Variants in CHD9 observed in about 807,000 individuals in gnomAD.
CHD9 encodes chromodomain helicase DNA binding protein 9, also known as ATP-dependent chromatin remodeler CHD9.
In CHD9, 77 loss-of-function variants were observed where a neutral mutation model predicts 316.1. The observed-to-expected ratio is 0.24, with a 90% CI of 0.20 to 0.29. The LOEUF is 0.29. Ranked by LOEUF, CHD9 falls within the 10% of genes least tolerant of loss-of-function variation. CHD9 has a pLI of 1.00. For synonymous variants in CHD9, 1,129 were observed against 1,158.3 expected (o/e 0.97, Z 0.51); for missense variants, 2,763 against 3,438.1 (o/e 0.80, Z 4.91).
intron 1 of CHD9, chr16:53,121,346 G>A (rs1435404129): frequency 2.2e-6 from 1 of 455,922 alleles, no homozygotes; most frequent in African/African-American, 2.0e-5. Context: ...AGAAACAGAT[G>A]CACAAAGAGA....
intron 29 of CHD9, among the ~76,000 whole-genome samples, chr16:53,296,013 C>T (rs2054750354): frequency 6.6e-6 from 1 of 152,170 alleles, no homozygotes; most frequent in South Asian, 2.1e-4. Flanking sequence ...CCTTGTCAAT[C>T]TGGAATACTC....
Position 53,130,631 on chromosome 16 carries a change from G to T in CHD9, c.-164-25295G>T, listed in dbSNP as rs551552204. On this transcript the variant is annotated intron_variant, in intron 1 of 38. Coordinates refer to ENST00000447540, the MANE Select transcript of CHD9 (RefSeq NM_001308319.2). Reference sequence around the variant, plus strand: ...CCCAAGCCTTCCCCGCCCCGAGGCCGCCCAGGGCTCCGGGAGTAACCGCGC... The same window carrying T: ...CCCAAGCCTTCCCCGCCCCGAGGCCTCCCAGGGCTCCGGGAGTAACCGCGC... Among the ~76,000 whole-genome samples the T allele has an allele frequency of 4.0e-5, 6 of 151,566 alleles. No individual in the cohort carries two copies. In the South Asian group the frequency reaches 1.0e-3, roughly 26 times the overall value.
At chr16:53,214,025 A>T (rs1202551558) in intron 3 of CHD9, among the ~76,000 whole-genome samples, 1 of 152,188 alleles carries the variant, frequency 6.6e-6, no homozygotes, top group East Asian at 1.9e-4. Context: ...CTCTAGTAGG[A>T]ATTAAGTATA....
intron 19 of CHD9, among the ~76,000 whole-genome samples, chr16:53,261,262 A>G (rs1364494859): frequency 6.6e-6 from 1 of 151,920 alleles, no homozygotes; most frequent in African/African-American, 2.4e-5. Flanking sequence ...TACTAGATTG[A>G]ATGAATGAGT....
At position 53,227,306 on chromosome 16, in the gene CHD9, G is replaced by T. The variant is rs1597518616; in HGVS notation, c.2044-90G>T. 5 of 761,962 alleles carry T rather than the reference G, an allele frequency of 6.6e-6. No individual in the cohort carries two copies. The South Asian group carries it at 7.1e-5, about 11-fold the overall frequency. The allele number at this position is 761,962 out of a possible 1,614,324, so 47.2% of individuals were successfully genotyped here. On this transcript the variant is annotated intron_variant, in intron 5 of 38. Transcript: ENST00000447540. ...CATATATGCTGTATAAATATTTGTT[G>T]AATTGTAGTATGTTCATCAACATAC...
intron 2 of CHD9, among the ~76,000 whole-genome samples, chr16:53,173,485 G>T (rs114205107): frequency 6.6e-6 from 1 of 151,858 alleles, no homozygotes; most frequent in Non-Finnish European, 1.5e-5. Flanking sequence ...CTGCTTTATA[G>T]TTAACGGATT....
At chr16:53,060,629 A>C (rs1348095035) in intron 1 of CHD9, among the ~76,000 whole-genome samples, 2 of 151,948 alleles carry the variant, frequency 1.3e-5, no homozygotes, top group Non-Finnish European at 2.9e-5. Context: ...GTGGTGGTGC[A>C]CCTGTAGTCC....
At chr16:53,207,333 C>G (rs1433064869) in intron 2 of CHD9, among the ~76,000 whole-genome samples, 1 of 152,154 alleles carries the variant, frequency 6.6e-6, no homozygotes, top group Non-Finnish European at 1.5e-5. Flanking sequence ...ACCTGAAAAA[C>G]TCATCAGTGC....
intron 1 of CHD9, among the ~76,000 whole-genome samples, chr16:53,092,309 C>T (rs2152556717): frequency 6.6e-6 from 1 of 152,238 alleles, no homozygotes; most frequent in East Asian, 1.9e-4. Context: ...TCTAGTTTTT[C>T]ATTTATTTAA....
chr16:53,217,957 T>C (rs2046916286), intron 3 of CHD9, among the ~76,000 whole-genome samples: 1 of 136,730 alleles, frequency 7.3e-6, no homozygotes, highest in Non-Finnish European at 1.6e-5. Flanking sequence ...TCTTTCTTTC[T>C]TTTTTTTTTT....
At chr16:53,206,039 G>A (rs112497910) in intron 2 of CHD9, among the ~76,000 whole-genome samples, 11 of 151,748 alleles carry the variant, frequency 7.2e-5, no homozygotes, top group African/African-American at 2.2e-4. Context: ...CACAACCTCC[G>A]CCTCCCAGGT....
At chr16:53,276,747 A>C (rs2052872716) in intron 24 of CHD9, among the ~76,000 whole-genome samples, 1 of 151,968 alleles carries the variant, frequency 6.6e-6, no homozygotes, top group African/African-American at 2.4e-5. Context: ...TGTATGCCTT[A>C]ATATCAGTCA....
At chr16:53,286,626 A>G (rs2053897452) in intron 26 of CHD9, among the ~76,000 whole-genome samples, 1 of 152,176 alleles carries the variant, frequency 6.6e-6, no homozygotes. Flanking sequence ...TTCTAGGGGC[A>G]TAGGGGGAGA....
At chr16:53,206,921 G>A (rs2045939565) in intron 2 of CHD9, among the ~76,000 whole-genome samples, 1 of 152,148 alleles carries the variant, frequency 6.6e-6, no homozygotes, top group Non-Finnish European at 1.5e-5. Flanking sequence ...TAGTCTGTAA[G>A]TGTTATCTCA....
Position 53,268,140 on chromosome 16 carries a change from T to C in CHD9, c.4717+14T>C. On this transcript the variant is annotated intron_variant, in intron 22 of 38. Transcript: ENST00000447540. ...AGAATCATCTAGGTAAGAACATTGT[T>C]TCATTTGCTTTTAAAATTTATTTTT... The C allele has an allele frequency of 1.3e-6, 2 of 1,546,156 alleles. No homozygotes were observed. The highest frequency in any genetic ancestry group is 1.8e-6 in the Non-Finnish European group (2 of 1,140,380).
intron 1 of CHD9, among the ~76,000 whole-genome samples, chr16:53,101,276 T>TG (rs1178702421): frequency 5.4e-5 from 8 of 148,254 alleles, no homozygotes; most frequent in Non-Finnish European, 1.2e-4. Context: ...TCCTTTTCTT[T>TG]TTTTTTTTTT....
chr16:53,070,461 G>A (rs1419543682), intron 1 of CHD9, among the ~76,000 whole-genome samples: 2 of 151,472 alleles, frequency 1.3e-5, no homozygotes, highest in Non-Finnish European at 2.9e-5. Context: ...TTTTTTGCAC[G>A]AGTAGCATGT....
intron 1 of CHD9, among the ~76,000 whole-genome samples, chr16:53,083,791 C>G (rs1442085949): frequency 6.6e-6 from 1 of 151,980 alleles, no homozygotes; most frequent in East Asian, 1.9e-4. Context: ...CACTCTGTCA[C>G]CCAGGCTGGA....
chr16:53,232,116 T>C (rs2048226817), intron 10 of CHD9, among the ~76,000 whole-genome samples: 1 of 152,182 alleles, frequency 6.6e-6, no homozygotes, highest in Admixed American at 6.5e-5. Flanking sequence ...TATTTTCTGG[T>C]CTTCTTACTT....
Sources: allele counts gnomAD v4.1 joint callset (sites outside exome capture counted in the v4.1 genomes callset), GRCh38; gene constraint gnomAD v4.1.1; transcripts MANE v1.5; gene names NCBI Gene and HGNC (gene_info 2026-07-23, HGNC 2026-07-21).